The following SMC6 variants were observed in gnomAD, a reference collection of about 807,000 sequenced individuals.
SMC6 encodes the protein structural maintenance of chromosomes 6.
In SMC6, 79 loss-of-function variants were observed where a neutral mutation model predicts 142.2. That is an observed-to-expected ratio of 0.56 (90% confidence interval 0.46 to 0.67). The LOEUF (loss-of-function observed/expected upper bound fraction) is 0.67, where lower values mean the gene tolerates loss of function less well. SMC6 is among the 30% of genes least tolerant of loss of function. The pLI, the probability that SMC6 is intolerant of heterozygous loss-of-function variation, is 0.00. For synonymous variants in SMC6, 411 were observed against 412.4 expected, an observed-to-expected ratio of 1.00 and a Z score of 0.04; for missense variants, 1,072 against 1,284.0, an observed-to-expected ratio of 0.83 and a Z score of 2.52.
intron 3 of SMC6, 94 bp downstream of exon 3, chr2:17,745,733 C>T: frequency 7.6e-7 from 1 of 1,318,950 alleles, no homozygotes; most frequent in Non-Finnish European, 1.0e-6. Context: ...AATCATATTA[C>T]TTTTTCTTGA....
chr2:17,729,225 C>T (rs913806536), intron 7 of SMC6, among the ~76,000 whole-genome samples: 1 of 152,122 alleles, frequency 6.6e-6, no homozygotes, highest in African/African-American at 2.4e-5. Flanking sequence ...CTGGGTATTT[C>T]ACATTACTGC....
intron 16 of SMC6, chr2:17,713,317 A>G (rs769373706): frequency 1.7e-5 from 6 of 348,798 alleles, no homozygotes; most frequent in Non-Finnish European, 3.4e-5. Flanking sequence ...TTGGTAGCCA[A>G]TCTAAACCCT....
At chr2:17,709,053 C>T (rs1423648534) in intron 16 of SMC6, among the ~76,000 whole-genome samples, 1 of 151,958 alleles carries the variant, frequency 6.6e-6, no homozygotes, top group Non-Finnish European at 1.5e-5. Flanking sequence ...TTATTCTCTC[C>T]ACATTTTTTT....
intron 17 of SMC6, 96 bp downstream of exon 17, chr2:17,708,543 C>T: frequency 1.9e-6 from 1 of 521,932 alleles, no homozygotes; most frequent in Non-Finnish European, 3.0e-6. Flanking sequence ...ACATCAGCAA[C>T]TCTATGATAA....
In SMC6 at chr2:17,678,925, T is replaced by C. The variant is rs1234469749; in HGVS notation, c.2844A>G (p.Leu948=). 1 of 1,605,938 alleles carries C rather than the reference T, an allele frequency of 6.2e-7. No individual in the cohort carries two copies. Residue 948 remains leucine, a synonymous_variant, in exon 25 of 28, where the codon TTA becomes TTG. Transcript: ENST00000448223. ...TTCCACAATAGGCCCGCTGAGATAG[T>C]AAGTTGTCAAAGTATAATTTGCATC... The part of the protein sequence containing the change: ...TLRCKLYFDN[L]LSQRAYCGKM...
At chr2:17,745,270 T>C (rs896600083) in intron 3 of SMC6, among the ~76,000 whole-genome samples, 22 of 151,066 alleles carry the variant, frequency 1.5e-4, no homozygotes, top group African/African-American at 5.2e-4. Context: ...TGTAGATTCA[T>C]GTTAATTCTT....
intron 11 of SMC6, among the ~76,000 whole-genome samples, chr2:17,719,860 G>GA (rs763510175): frequency 1.3e-5 from 2 of 151,420 alleles, no homozygotes; most frequent in African/African-American, 2.4e-5. Flanking sequence ...ACCCTTAAAA[G>GA]AAAAAAAAGA....
chr2:17,743,279 T>C (rs573696793), intron 3 of SMC6, among the ~76,000 whole-genome samples: 62 of 152,318 alleles, frequency 4.1e-4, no homozygotes, highest in African/African-American at 1.4e-3. Flanking sequence ...ACATAATTTC[T>C]ATATTGAGCT....
intron 24 of SMC6, chr2:17,681,417 C>T (rs1019667965): frequency 1.3e-5 from 2 of 152,344 alleles, no homozygotes; most frequent in African/African-American, 2.4e-5. Context: ...CTAACTGGCA[C>T]AAGAGGTCTA....
At chr2:17,717,536 T>G (rs1453082231) in intron 12 of SMC6, among the ~76,000 whole-genome samples, 2 of 152,130 alleles carry the variant, frequency 1.3e-5, no homozygotes, top group African/African-American at 4.8e-5. Context: ...CTGGGCGTGG[T>G]GGCACGCCCC....
chr2:17,677,774 A>G (rs898728559), intron 25 of SMC6, among the ~76,000 whole-genome samples: 1 of 152,210 alleles, frequency 6.6e-6, no homozygotes. Flanking sequence ...AAGGCAGGTA[A>G]AGAGGAGTTA....
intron 25 of SMC6, among the ~76,000 whole-genome samples, chr2:17,678,641 T>C (rs914192965): frequency 1.3e-5 from 2 of 148,644 alleles, no homozygotes; most frequent in Non-Finnish European, 3.0e-5. Context: ...CTGGGCATGG[T>C]GGCATGCACC....
chr2:17,717,026 G>A, intron 13 of SMC6, 62 bp downstream of exon 13: 1 of 1,532,866 alleles, frequency 6.5e-7, no homozygotes, highest in Non-Finnish European at 8.9e-7. Flanking sequence ...ATACTCCAAT[G>A]CATCTACCTT....
intron 9 of SMC6, 67 bp from the exon 10 acceptor site, chr2:17,721,328 T>C: frequency 6.9e-7 from 1 of 1,444,568 alleles, no homozygotes; most frequent in Non-Finnish European, 9.2e-7. Context: ...TTTGCAAATC[T>C]ATTTCTTTTA....
At chr2:17,672,482 C>T (rs1666806035) in intron 25 of SMC6, among the ~76,000 whole-genome samples, 1 of 152,148 alleles carries the variant, frequency 6.6e-6, no homozygotes, top group Non-Finnish European at 1.5e-5. Context: ...GTGTACAACT[C>T]AATTTTTACA....
At chr2:17,743,085 T>C (rs1670558471) in intron 3 of SMC6, among the ~76,000 whole-genome samples, 1 of 152,244 alleles carries the variant, frequency 6.6e-6, no homozygotes, top group South Asian at 2.1e-4. Context: ...TTGTTGCCTA[T>C]ATCGGTAGTT....
At chr2:17,691,142 A>G (rs1312017110) in intron 23 of SMC6, among the ~76,000 whole-genome samples, 3 of 151,148 alleles carry the variant, frequency 2.0e-5, no homozygotes, top group Non-Finnish European at 4.4e-5. Flanking sequence ...TTCAAGATAT[A>G]TCACTAAACC....
In SMC6 at chr2:17,714,873, T is replaced by C. The variant is rs1228867922; in HGVS notation, c.1718A>G (p.Asp573Gly). The C allele has an allele frequency of 1.2e-6, 2 of 1,612,516 alleles. No homozygotes were observed. Among genetic ancestry groups the C allele is most frequent in the Non-Finnish European group, 1.7e-6 (2 of 1,179,590 alleles). Residue 573 changes from aspartate to glycine, a missense_variant, in exon 16 of 28, where the codon GAT becomes GGT. Transcript: ENST00000448223. ...IVSEFRNEIY[D>G]VRHRAAYHPD... ...ACTAATGCCTTACCTGTGTCTTACATCATATATCTCATTCCGAAACTCAGA... is the reference window on the plus strand; with the variant it reads ...ACTAATGCCTTACCTGTGTCTTACACCATATATCTCATTCCGAAACTCAGA...
intron 21 of SMC6, among the ~76,000 whole-genome samples, chr2:17,699,949 AT>A (rs1482190393): frequency 6.6e-6 from 1 of 152,116 alleles, no homozygotes; most frequent in East Asian, 1.9e-4. Flanking sequence ...TTTAAAAATC[AT>A]AAAAAGGTGA....
Sources: allele counts gnomAD v4.1 joint callset (sites outside exome capture counted in the v4.1 genomes callset), GRCh38; gene constraint gnomAD v4.1.1; transcripts MANE v1.5; gene names NCBI Gene and HGNC (gene_info 2026-07-23, HGNC 2026-07-21).